Variants in IL21R observed in about 807,000 individuals in gnomAD.
The protein encoded by IL21R is interleukin 21 receptor.
IL21R carries 14 observed loss-of-function variants against 41.3 expected under a neutral mutation model. The ratio of observed to expected loss-of-function variants is 0.34; its 90% CI spans 0.22 to 0.53. IL21R has a LOEUF of 0.53. IL21R is among the 20% of genes least tolerant of loss of function. The probability of loss-of-function intolerance (pLI) is 0.94; values close to 1 mark genes in which losing one functional copy is unlikely to be tolerated. For synonymous variants in IL21R, 286 were observed against 287.6 expected, an observed-to-expected ratio of 0.99 and a Z score of 0.05; for missense variants, 588 against 681.6, an observed-to-expected ratio of 0.86 and a Z score of 1.53.
intron 2 of IL21R, 117 bp from the exon 3 acceptor site, chr16:27,434,230 G>C: frequency 1.5e-6 from 1 of 660,404 alleles, no homozygotes. Context: ...CCTCATATTT[G>C]TCCCGGCCTG....
At chr16:27,431,854 G>A (rs1270964220) in intron 2 of IL21R, among the ~76,000 whole-genome samples, 1 of 152,200 alleles carries the variant, frequency 6.6e-6, no homozygotes, top group Non-Finnish European at 1.5e-5. Context: ...ATGTTGGCCA[G>A]GATGGTCTTG....
intron 1 of IL21R, among the ~76,000 whole-genome samples, chr16:27,412,856 A>C (rs2086842621): frequency 6.6e-6 from 1 of 152,090 alleles, no homozygotes; most frequent in African/African-American, 2.4e-5. Flanking sequence ...TTCATGTATT[A>C]GTTCTAACCA....
In IL21R at chr16:27,418,006, A is replaced by ATTTT. The variant is rs2086916685; in HGVS notation, c.-16-12049_-16-12046dup. On this transcript the variant is annotated intron_variant, in intron 1 of 8. Coordinates refer to ENST00000337929, the MANE Select transcript of IL21R (RefSeq NM_181078.3). ...TTTGGCTTACTGTAACATTTTTCCT[A>ATTTT]TTTTATTTATTTTATTTTATTTTAT... is the stretch of plus-strand genomic sequence containing the variant. Among the ~76,000 whole-genome samples, 7 of 86,540 alleles carry ATTTT rather than the reference A, an allele frequency of 8.1e-5. No homozygotes were observed. The South Asian group carries it at 4.0e-3, about 49-fold the overall frequency. The allele number at this position is 86,540 out of a possible 152,430, so 56.8% of individuals were successfully genotyped here. A position where few individuals can be genotyped will look rare whatever the true frequency, so the allele number is the denominator to read the frequency against.
At chr16:27,438,765 G>A (rs2087318740) in intron 4 of IL21R, among the ~76,000 whole-genome samples, 1 of 152,038 alleles carries the variant, frequency 6.6e-6, no homozygotes, top group South Asian at 2.1e-4. Flanking sequence ...GGCTACTCGG[G>A]AGGCTGAGGC....
Position 27,443,029 on chromosome 16 carries a change from A to C in IL21R, c.420A>C (p.Ser140=). Residue 140 remains serine (S), a synonymous_variant, in exon 5 of 9, where the codon TCA becomes TCC. Coordinates refer to ENST00000337929, the MANE Select transcript of IL21R (RefSeq NM_181078.3). The stretch of plus-strand genomic sequence containing the variant: ...GACAGTATAATATCTCCTGGCGCTC[A>C]GATTACGAAGACCCTGCCTTCTACA... ...FSGQYNISWR[S]DYEDPAFYML... The C allele has an allele frequency of 6.2e-7, 1 of 1,614,038 alleles. No homozygotes were observed. Among genetic ancestry groups the C allele is most frequent in the South Asian group, 1.1e-5 (1 of 91,064 alleles).
intron 3 of IL21R, among the ~76,000 whole-genome samples, chr16:27,436,506 C>T (rs2087273795): frequency 6.6e-6 from 1 of 152,164 alleles, no homozygotes; most frequent in South Asian, 2.1e-4. Context: ...ACTTGTATTC[C>T]AGCAAATTTG....
At position 27,413,440 on chromosome 16, in the gene IL21R, GC is replaced by G. The variant is rs370501752; in HGVS notation, c.-17+10823del. On this transcript the variant is annotated intron_variant, in intron 1 of 8. Transcript: ENST00000337929. ...TTTTGTTTTCTTGCATCTTTGTCTG[GC>G]TTTGGTACTGGGGCATCATAAAATG... Among the ~76,000 whole-genome samples the G allele has an allele frequency of 2.2e-3, 332 of 152,128 alleles. 3 individuals carry two copies. Among genetic ancestry groups the G allele is most frequent in the African/African-American group, 7.8e-3 (322 of 41,522 alleles).
Position 27,451,691 on chromosome 16 carries a change from C to T in IL21R, c.*2408C>T, listed in dbSNP as rs1259661751. 2.6e-5 allele frequency: 6 copies of T among 226,440 alleles called. No homozygotes were observed. The highest frequency in any genetic ancestry group is 5.3e-5 in the Non-Finnish European group (6 of 113,810). The allele number at this position is 226,440 out of a possible 1,614,324, so 14.0% of individuals were successfully genotyped here. A position where few individuals can be genotyped will look rare whatever the true frequency, so the allele number is the denominator to read the frequency against. On this transcript the variant is annotated 3_prime_UTR_variant, in exon 9 of 9. Transcript: ENST00000337929. The stretch of plus-strand genomic sequence containing the variant: ...CTGTGATTACACCGTTGCACTCCAG[C>T]CTGGGTCACAGATCAAGACCCTGTC...
chr16:27,449,052 A>T lies in IL21R; in HGVS notation c.1386A>T (p.Gly462=). ...PLADGEDWAG[G]LPWGGRSPGG... ...CAGATGGGGAGGACTGGGCTGGGGG[A>T]CTGCCCTGGGGTGGCCGGTCACCTG... Residue 462 remains glycine, a synonymous_variant, in exon 9 of 9, where the codon GGA becomes GGT. Transcript: ENST00000337929. 3.7e-6 allele frequency: 6 copies of T among 1,612,208 alleles called. No individual in the cohort carries two copies. The highest frequency in any genetic ancestry group is 5.1e-6 in the Non-Finnish European group (6 of 1,179,436).
At chr16:27,406,030 A>C (rs1422865692) in intron 1 of IL21R, among the ~76,000 whole-genome samples, 1 of 152,266 alleles carries the variant, frequency 6.6e-6, no homozygotes, top group Non-Finnish European at 1.5e-5. Flanking sequence ...CTGTGTGAAC[A>C]GGACAAGGCC....
intron 4 of IL21R, among the ~76,000 whole-genome samples, chr16:27,442,031 G>A (rs1362859494): frequency 6.6e-6 from 1 of 152,150 alleles, no homozygotes; most frequent in Non-Finnish European, 1.5e-5. Context: ...AAAACCCTTG[G>A]AGATTTCACA....
intron 5 of IL21R, chr16:27,443,953 G>A (rs894194049): frequency 6.6e-6 from 1 of 151,948 alleles, no homozygotes; most frequent in Non-Finnish European, 1.5e-5. Context: ...TTCTAGAATT[G>A]CCCATCCTTT....
Position 27,430,107 on chromosome 16 carries a change from G to T in IL21R, c.36G>T (p.Leu12=). 6.2e-7 allele frequency: 1 copy of T among 1,604,620 alleles called. No homozygotes were observed. ...GCTGGGCCGCCCCCTTGCTCCTGCT[G>T]CTGCTCCAGGGAGGTAAGTGGCTGC... ...PRGWAAPLLL[L]LLQGGWGCPD... The change falls in exon 2 of 9, where the codon CTG becomes CTT. Residue 12 remains leucine (L), a synonymous_variant. Transcript: ENST00000337929.
intron 2 of IL21R, among the ~76,000 whole-genome samples, chr16:27,433,686 C>T (rs532282333): frequency 6.6e-6 from 1 of 152,210 alleles, no homozygotes; most frequent in Admixed American, 6.5e-5. Flanking sequence ...AAAATTGCCT[C>T]ATAGGGCAAT....
intron 1 of IL21R, among the ~76,000 whole-genome samples, chr16:27,406,945 A>T (rs764618056): frequency 1.7e-4 from 26 of 152,146 alleles, no homozygotes; most frequent in Non-Finnish European, 3.7e-4. Context: ...TTGCTGTGTG[A>T]CCCTGGGCAG....
chr16:27,413,938 AATT>A (rs2086857208), intron 1 of IL21R, among the ~76,000 whole-genome samples: 1 of 151,914 alleles, frequency 6.6e-6, no homozygotes, highest in Admixed American at 6.6e-5. Context: ...TAATAATAAC[AATT>A]ATTATTCTAA....
Position 27,450,725 on chromosome 16 carries a change from G to A in IL21R, c.*1442G>A, listed in dbSNP as rs578174129. On this transcript the variant is annotated 3_prime_UTR_variant, in exon 9 of 9. Coordinates refer to ENST00000337929, the MANE Select transcript of IL21R (RefSeq NM_181078.3). ...CAGCCCCAGAGTAGCTGGAATTACAGGCACACACCACCACGCCTGGCTAAT... is the reference window on the plus strand; with the variant it reads ...CAGCCCCAGAGTAGCTGGAATTACAAGCACACACCACCACGCCTGGCTAAT... 4.5e-6 allele frequency: 1 copy of A among 224,346 alleles called. No individual in the cohort carries two copies. Among genetic ancestry groups the A allele is most frequent in the Admixed American group, 5.7e-5 (1 of 17,436 alleles). The allele number at this position is 224,346 out of a possible 1,614,324, so 13.9% of individuals were successfully genotyped here. A position where few individuals can be genotyped will look rare whatever the true frequency, so the allele number is the denominator to read the frequency against.
intron 1 of IL21R, among the ~76,000 whole-genome samples, chr16:27,418,011 A>T (rs441288): frequency 1.0e-5 from 1 of 97,900 alleles, no homozygotes; most frequent in Admixed American, 1.1e-4. Flanking sequence ...TTCCTATTTT[A>T]TTTATTTTAT....
At chr16:27,416,141 T>C (rs1033892183) in intron 1 of IL21R, among the ~76,000 whole-genome samples, 1 of 152,232 alleles carries the variant, frequency 6.6e-6, no homozygotes, top group Non-Finnish European at 1.5e-5. Flanking sequence ...TTTATTTATT[T>C]TGATACAGAG....
Sources: allele counts gnomAD v4.1 joint callset (sites outside exome capture counted in the v4.1 genomes callset), GRCh38; gene constraint gnomAD v4.1.1; transcripts MANE v1.5; gene names NCBI Gene and HGNC (gene_info 2026-07-23, HGNC 2026-07-21).